Variants in LPCAT1 observed in about 807,000 individuals in gnomAD.
LPCAT1 encodes lysophosphatidylcholine acyltransferase 1.
A neutral mutation model predicts 60.9 loss-of-function variants in LPCAT1; 23 were observed. The ratio of observed to expected loss-of-function variants is 0.38; its 90% CI spans 0.27 to 0.53. The LOEUF (loss-of-function observed/expected upper bound fraction) is 0.53, where lower values mean the gene tolerates loss of function less well. Among genes scored for constraint, LPCAT1 ranks in the 20% least tolerant of loss-of-function variants. LPCAT1 has a pLI of 0.82. For synonymous variants in LPCAT1, 340 were observed against 301.1 expected (o/e 1.13, Z -1.34); for missense variants, 622 against 723.6 (o/e 0.86, Z 1.61).
intron 1 of LPCAT1, among the ~76,000 whole-genome samples, chr5:1,509,740 T>C (rs1240308312): frequency 6.6e-6 from 1 of 152,192 alleles, no homozygotes; most frequent in African/African-American, 2.4e-5. Flanking sequence ...TGCCTTCAAA[T>C]ATGGAATCAG....
rs1241967614 is a variant in LPCAT1, at chr5:1,496,292, C to T, written c.279-1378G>A. On this transcript the variant is annotated intron_variant, in intron 2 of 13. Transcript: ENST00000283415. The surrounding 1 kb of genome is among the most constrained non-coding windows in gnomAD (Gnocchi z 4.7). ...AGGAGAACTGCTTGAACCCAAGGGG[C>T]GGAGGTTGCAGTGAGCCGAGATTGC... is the stretch of plus-strand genomic sequence containing the variant. Among the ~76,000 whole-genome samples, 6 of 152,094 alleles carry T rather than the reference C, an allele frequency of 3.9e-5. No individual in the cohort carries two copies. Among genetic ancestry groups the T allele is most frequent in the African/African-American group, 1.2e-4 (5 of 41,494 alleles).
At chr5:1,518,189 G>A (rs1040708772) in intron 1 of LPCAT1, among the ~76,000 whole-genome samples, 5 of 152,250 alleles carry the variant, frequency 3.3e-5, no homozygotes, top group African/African-American at 1.2e-4. Flanking sequence ...TGAAGGGCTT[G>A]GGCCGGGTGA....
Position 1,494,866 on chromosome 5 carries a change from G to A in LPCAT1, c.327C>T (p.Ala109=), listed in dbSNP as rs138599812. 2.2e-5 allele frequency: 36 copies of A among 1,612,962 alleles called. No homozygotes were observed. The Middle Eastern group carries it at 4.9e-4, about 22-fold the overall frequency. Reference sequence around the variant, plus strand: ...TCACGGCCACCCGGTGGAAGCCGCCGGCGAACCACATGGTGCGCATGATGG... The same window carrying A: ...TCACGGCCACCCGGTGGAAGCCGCCAGCGAACCACATGGTGCGCATGATGG... ...LKAIMRTMWF[A]GGFHRVAVKG... The change falls in exon 3 of 14, where the codon GCC becomes GCT. Residue 109 remains alanine, a synonymous_variant. Transcript: ENST00000283415.
rs1735767073 is a variant in LPCAT1 at position 1,495,773 on chromosome 5, G to C, written c.279-859C>G. On this transcript the variant is annotated intron_variant, in intron 2 of 13. Transcript: ENST00000283415. The surrounding 1 kb of genome is among the most constrained non-coding windows in gnomAD (Gnocchi z 4.7). ...TCACACTGGGTAAAACTACTGCACAGAGAAACAAGAGCCTGAAGCCTTACT... is the reference window on the plus strand; with the variant it reads ...TCACACTGGGTAAAACTACTGCACACAGAAACAAGAGCCTGAAGCCTTACT... Among the ~76,000 whole-genome samples, 1 of 152,326 alleles carries C rather than the reference G, an allele frequency of 6.6e-6. No individual in the cohort carries two copies. The highest frequency in any genetic ancestry group is 2.1e-4 in the South Asian group (1 of 4,826).
At chr5:1,493,323 G>C (rs960173847) in intron 3 of LPCAT1, among the ~76,000 whole-genome samples, 3 of 152,210 alleles carry the variant, frequency 2.0e-5, no homozygotes, top group African/African-American at 7.2e-5. Flanking sequence ...GCCATGCCAG[G>C]GTTCCTCACC....
intron 2 of LPCAT1, among the ~76,000 whole-genome samples, chr5:1,498,202 C>T (rs776207181): frequency 1.3e-5 from 2 of 152,334 alleles, no homozygotes; most frequent in Non-Finnish European, 2.9e-5. Flanking sequence ...TTCAGCGGTA[C>T]ACTCTGAATC....
At position 1,476,141 on chromosome 5, in the gene LPCAT1, A is replaced by G. The variant is rs1734907199; in HGVS notation, c.899+1263T>C. Among the ~76,000 whole-genome samples the G allele has an allele frequency of 6.6e-6, 1 of 152,240 alleles. No homozygotes were observed. The highest frequency in any genetic ancestry group is 6.5e-5 in the Admixed American group (1 of 15,290). On this transcript the variant is annotated intron_variant, in intron 9 of 13. Transcript: ENST00000283415. This position sits in a 1 kb window ranked among gnomAD's most constrained non-coding sequence, Gnocchi z 8.6. ...TTCTAAAATAATCAGTGAGGCCCAC[A>G]GGCGATCTCTCCTTGAGCGCTGTAA... is the stretch of plus-strand genomic sequence containing the variant.
intron 3 of LPCAT1, among the ~76,000 whole-genome samples, chr5:1,492,444 A>C (rs9800090): frequency 2.0e-5 from 3 of 152,020 alleles, no homozygotes; most frequent in Non-Finnish European, 4.4e-5. Context: ...TAGAGGAGTC[A>C]TCAGCCACGC....
chr5:1,499,785 G>T (rs572573373), intron 2 of LPCAT1, among the ~76,000 whole-genome samples: 2 of 152,206 alleles, frequency 1.3e-5, no homozygotes, highest in Non-Finnish European at 1.5e-5. Context: ...GCAAACCCGG[G>T]ACCCTAAGTG....
chr5:1,470,998 T>C lies in LPCAT1; in HGVS notation c.1180-74A>G. The C allele has an allele frequency of 2.5e-6, 3 of 1,208,752 alleles. 1 individual carries two copies. The highest frequency in any genetic ancestry group is 4.7e-5 in the East Asian group (2 of 42,624). 74.9% of individuals were successfully genotyped at this position (1,208,752 alleles called of 1,614,324 possible). ...GAGAAACGCCAGGGTTTCCCATGGGTGCTGGTGTTAATTAAAGGCCAGTCC... is the reference window on the plus strand; with the variant it reads ...GAGAAACGCCAGGGTTTCCCATGGGCGCTGGTGTTAATTAAAGGCCAGTCC... On this transcript the variant is annotated intron_variant, in intron 11 of 13. Coordinates refer to ENST00000283415, the MANE Select transcript of LPCAT1 (RefSeq NM_024830.5).
At position 1,510,557 on chromosome 5, in the gene LPCAT1, G is replaced by A. The variant is rs552967528; in HGVS notation, c.136-8954C>T. On this transcript the variant is annotated intron_variant, in intron 1 of 13. Coordinates refer to ENST00000283415, the MANE Select transcript of LPCAT1 (RefSeq NM_024830.5). ...CCACTCCAGTCCACGGGCGTCTTACGAGGATGCTGCACGGTGTTGAATGGG... is the reference window on the plus strand; with the variant it reads ...CCACTCCAGTCCACGGGCGTCTTACAAGGATGCTGCACGGTGTTGAATGGG... 5.9e-5 allele frequency among the ~76,000 whole-genome samples: 9 copies of A among 152,348 alleles called. No homozygotes were observed. In the South Asian group the frequency reaches 1.7e-3, roughly 28 times the overall value.
At chr5:1,478,928 G>T (rs540806918) in intron 8 of LPCAT1, among the ~76,000 whole-genome samples, 2 of 152,270 alleles carry the variant, frequency 1.3e-5, no homozygotes, top group Non-Finnish European at 2.9e-5. Context: ...ACCTGGGTCA[G>T]GCTGAGAAGG....
At chr5:1,471,318 C>A (rs537819098) in intron 11 of LPCAT1, among the ~76,000 whole-genome samples, 32 of 152,320 alleles carry the variant, frequency 2.1e-4, no homozygotes, top group African/African-American at 7.2e-4. Flanking sequence ...GAAGGTGAAC[C>A]CGGAGCTGTG....
At position 1,500,763 on chromosome 5, in the gene LPCAT1, A is replaced by G. The variant is rs923665047; in HGVS notation, c.278+698T>C. ...ATGATGCGGCAACCTGTTCCCACTTAGCCCAATTTTAATAAGACCAGGTTG... is the reference window on the plus strand; with the variant it reads ...ATGATGCGGCAACCTGTTCCCACTTGGCCCAATTTTAATAAGACCAGGTTG... On this transcript the variant is annotated intron_variant, in intron 2 of 13. Transcript: ENST00000283415. Among the ~76,000 whole-genome samples the G allele has an allele frequency of 6.6e-5, 10 of 152,230 alleles. 1 individual carries two copies. The highest frequency in any genetic ancestry group is 2.2e-4 in the African/African-American group (9 of 41,448).
chr5:1,480,361 C>G lies in LPCAT1; in HGVS notation c.761+581G>C, dbSNP rs1195937343. The G allele has an allele frequency of 1.4e-5, 14 of 985,222 alleles. No homozygotes were observed. Among genetic ancestry groups the G allele is most frequent in the Non-Finnish European group, 1.6e-5 (13 of 829,910 alleles). The allele number at this position is 985,222 out of a possible 1,614,324, so 61.0% of individuals were successfully genotyped here. On this transcript the variant is annotated intron_variant, in intron 7 of 13. Transcript: ENST00000283415. The surrounding 1 kb of genome is among the most constrained non-coding windows in gnomAD (Gnocchi z 6.4). ...CTCCCAAACGCCTGGAATGGAGCTG[C>G]TCTCTCTTGGACTTTCCCGCTCCCT...
intron 13 of LPCAT1, among the ~76,000 whole-genome samples, chr5:1,464,850 G>A (rs1560943925): frequency 2.1e-5 from 3 of 144,892 alleles, no homozygotes; most frequent in East Asian, 2.1e-4. Context: ...ACAAGTGTGT[G>A]CACACACAGT....
chr5:1,484,773 G>A (rs1735306869), intron 5 of LPCAT1, among the ~76,000 whole-genome samples: 1 of 152,240 alleles, frequency 6.6e-6, no homozygotes, highest in Admixed American at 6.5e-5. Flanking sequence ...CAGCCTTGGT[G>A]TCCAGCTGGC....
chr5:1,478,542 C>T (rs1326529422), intron 8 of LPCAT1, among the ~76,000 whole-genome samples: 1 of 152,280 alleles, frequency 6.6e-6, no homozygotes, highest in African/African-American at 2.4e-5. Context: ...CGAGGCCTGG[C>T]CTGCACCCTC....
chr5:1,494,590 G>C, intron 3 of LPCAT1, 110 bp downstream of exon 3: 2 of 1,030,644 alleles, frequency 1.9e-6, no homozygotes, highest in Non-Finnish European at 2.9e-6. Flanking sequence ...CCAACAGAGG[G>C]GGGACCCTCA....
Sources: allele counts gnomAD v4.1 joint callset (sites outside exome capture counted in the v4.1 genomes callset), GRCh38; gene constraint gnomAD v4.1.1; non-coding constraint Gnocchi (gnomAD v3.1); transcripts MANE v1.5; gene names NCBI Gene and HGNC (gene_info 2026-07-23, HGNC 2026-07-21).